ZFHX4: variants seen among roughly 807,000 people sequenced by gnomAD.
ZFHX4 encodes zinc finger homeobox protein 4.
A neutral mutation model predicts 267.6 loss-of-function variants in ZFHX4; 56 were observed. The ratio of observed to expected loss-of-function variants is 0.21; its 90% confidence interval spans 0.17 to 0.26. The LOEUF (loss-of-function observed/expected upper bound fraction) is 0.26. ZFHX4 is among the 10% of genes least tolerant of loss of function. The pLI, the probability that ZFHX4 is intolerant of heterozygous loss-of-function variation, is 1.00. For synonymous variants in ZFHX4, 1,778 were observed against 1,665.6 expected (o/e 1.07, Z -1.64); for missense variants, 4,332 against 4,420.0 (o/e 0.98, Z 0.56).
At chr8:76,721,089 G>A (rs751186467) in intron 3 of ZFHX4, among the ~76,000 whole-genome samples, 7 of 152,100 alleles carry the variant, frequency 4.6e-5, no homozygotes, top group Non-Finnish European at 8.8e-5. Context: ...TCTTTGAGGG[G>A]GACATGTATC....
chr8:76,692,046 AG>A (rs1257640507), intron 1 of ZFHX4, among the ~76,000 whole-genome samples: 5 of 152,236 alleles, frequency 3.3e-5, no homozygotes, highest in Non-Finnish European at 5.9e-5. Flanking sequence ...CTAGGTTGAC[AG>A]GTGGATGCTC....
chr8:76,784,572 T>C (rs1311879535), intron 4 of ZFHX4, among the ~76,000 whole-genome samples: 1 of 152,026 alleles, frequency 6.6e-6, no homozygotes. Context: ...TACCCATGAA[T>C]GACAGTCAAG....
At chr8:76,739,640 G>A (rs1809263337) in intron 3 of ZFHX4, among the ~76,000 whole-genome samples, 1 of 152,058 alleles carries the variant, frequency 6.6e-6, no homozygotes, top group African/African-American at 2.4e-5. Flanking sequence ...GCAAAGATGG[G>A]GGTAAGCAGG....
intron 4 of ZFHX4, among the ~76,000 whole-genome samples, chr8:76,780,365 C>CT (rs1417439031): frequency 1.3e-5 from 2 of 152,084 alleles, no homozygotes; most frequent in Non-Finnish European, 2.9e-5. Context: ...GGTTACTACC[C>CT]AGTGGTTGTA....
chr8:76,706,076 T>G lies in ZFHX4; in HGVS notation c.1988T>G (p.Met663Arg). The G allele has an allele frequency of 6.2e-7, 1 of 1,613,666 alleles. No individual in the cohort carries two copies. ...YKYQQTLEAH[M>R]KEKHPEPGGS... ...TATCAGCAGACCCTGGAGGCCCATA[T>G]GAAGGAGAAACACCCTGAGCCGGGT... The change falls in exon 2 of 11, where the codon ATG becomes AGG. Residue 663 changes from methionine (M) to arginine (R), a missense_variant. Physicochemically the swap from Met to Arg is moderately conservative, Grantham distance 91. Transcript: ENST00000651372.
chr8:76,704,051 C>G lies in ZFHX4; in HGVS notation c.-38C>G. ...CCTTATTTTTTATCCAGGTCCCTGA[C>G]AGGCTGGATGAAATGAGATCCCCAT... On this transcript the variant is annotated 5_prime_UTR_variant, in exon 2 of 11. Coordinates refer to ENST00000651372, the MANE Select transcript of ZFHX4 (RefSeq NM_024721.5). The G allele has an allele frequency of 6.5e-7, 1 of 1,547,126 alleles. No homozygotes were observed. Among genetic ancestry groups the G allele is most frequent in the Non-Finnish European group, 8.7e-7 (1 of 1,148,916 alleles).
rs376402010 is a variant in ZFHX4, at chr8:76,714,088, A to G, written c.3093+6040A>G. The stretch of plus-strand genomic sequence containing the variant: ...GTGAAGTGCAGGTATGATTTAATCA[A>G]AAGAGCTAAATTGCTCATTTATCAC... On this transcript the variant is annotated intron_variant, in intron 3 of 10. Coordinates refer to ENST00000651372, the MANE Select transcript of ZFHX4 (RefSeq NM_024721.5). Among the ~76,000 whole-genome samples, 371 of 152,314 alleles carry G rather than the reference A, an allele frequency of 2.4e-3. 3 individuals are homozygous for G. Among genetic ancestry groups the G allele is most frequent in the African/African-American group, 8.4e-3 (349 of 41,560 alleles).
At chr8:76,706,705 G>A (rs79010789) in intron 2 of ZFHX4, 27 bp downstream of exon 2, 43,544 of 1,508,970 alleles carry the variant, frequency 0.029, 762 homozygotes, top group Middle Eastern at 0.047. Context: ...TTTCTGCACT[G>A]TTGTTAGTTT....
intron 3 of ZFHX4, among the ~76,000 whole-genome samples, chr8:76,757,852 G>A (rs759076480): frequency 1.3e-5 from 2 of 152,150 alleles, no homozygotes; most frequent in Non-Finnish European, 2.9e-5. Flanking sequence ...GTCTTAGTGC[G>A]TAGCAAGAGG....
intron 3 of ZFHX4, among the ~76,000 whole-genome samples, chr8:76,727,306 ACT>A (rs1808879452): frequency 1.3e-5 from 2 of 152,138 alleles, no homozygotes; most frequent in South Asian, 4.2e-4. Context: ...CGTTTTCAAC[ACT>A]CATAATATTT....
At chr8:76,859,630 T>C in intron 10 of ZFHX4, among the ~76,000 whole-genome samples, 1 of 152,170 alleles carries the variant, frequency 6.6e-6, no homozygotes, top group Non-Finnish European at 1.5e-5. Context: ...CTGCCTAAGC[T>C]GATTTCCTTA....
chr8:76,716,545 C>T (rs886209146), intron 3 of ZFHX4, among the ~76,000 whole-genome samples: 3 of 152,046 alleles, frequency 2.0e-5, no homozygotes, highest in African/African-American at 7.2e-5. Flanking sequence ...ATGCCCCTAG[C>T]CCACATTAAT....
Position 76,850,904 on chromosome 8 carries a change from A to T in ZFHX4, c.3983A>T (p.Asp1328Val). 1.2e-6 allele frequency: 2 copies of T among 1,607,234 alleles called. No homozygotes were observed. Among genetic ancestry groups the T allele is most frequent in the Non-Finnish European group, 1.7e-6 (2 of 1,176,950 alleles). Residue 1328 changes from aspartate to valine, a missense_variant, in exon 10 of 11, where the codon GAC becomes GTC. Asp to Val is a radical substitution (Grantham distance 152, BLOSUM62 -3). Around this residue, in one of 7 missense-constraint regions of ZFHX4, gnomAD observed 1,371 missense variants for 1,423.1 expected, o/e 0.96. Transcript: ENST00000651372. The part of the protein sequence containing the change: ...GKYSGESPMD[D>V]KSMAGLEDSK... ...CTAATAGGTGAAAGTCCAATGGATG[A>T]CAAAAGCATGGCAGGTCTCGAGGAT...
intron 3 of ZFHX4, among the ~76,000 whole-genome samples, chr8:76,723,137 G>A (rs1808767929): frequency 6.6e-6 from 1 of 152,050 alleles, no homozygotes; most frequent in Non-Finnish European, 1.5e-5. Flanking sequence ...CAGTTTTCAA[G>A]TCAGCCAAGT....
intron 3 of ZFHX4, among the ~76,000 whole-genome samples, chr8:76,742,363 C>T (rs544346376): frequency 6.6e-6 from 1 of 152,100 alleles, no homozygotes; most frequent in Non-Finnish European, 1.5e-5. Flanking sequence ...GATCTTGCTT[C>T]TTTTATCAGC....
At chr8:76,756,541 T>C (rs1809767969) in intron 3 of ZFHX4, among the ~76,000 whole-genome samples, 1 of 152,154 alleles carries the variant, frequency 6.6e-6, no homozygotes, top group South Asian at 2.1e-4. Flanking sequence ...TATAATATAT[T>C]TTGTCTAATT....
Position 76,704,064 on chromosome 8 carries a change from A to G in ZFHX4, c.-25A>G. ...CCAGGTCCCTGACAGGCTGGATGAA[A>G]TGAGATCCCCATGTAGCAATTGCCA... On this transcript the variant is annotated 5_prime_UTR_variant, in exon 2 of 11. It removes an upstream start codon present in the reference 5' UTR. Coordinates refer to ENST00000651372, the MANE Select transcript of ZFHX4 (RefSeq NM_024721.5). 6.4e-7 allele frequency: 1 copy of G among 1,570,810 alleles called. No homozygotes were observed. Among genetic ancestry groups the G allele is most frequent in the Non-Finnish European group, 8.6e-7 (1 of 1,160,790 alleles).
chr8:76,796,890 A>G (rs1306711737), intron 4 of ZFHX4, among the ~76,000 whole-genome samples: 1 of 152,012 alleles, frequency 6.6e-6, no homozygotes, highest in Non-Finnish European at 1.5e-5. Flanking sequence ...TTTTCATACA[A>G]CTCCCTGCAC....
chr8:76,831,747 C>A lies in ZFHX4; in HGVS notation c.3326-1591C>A, dbSNP rs116622936. Among the ~76,000 whole-genome samples, 1,067 of 152,122 alleles carry A rather than the reference C, an allele frequency of 7.0e-3. 14 individuals carry two copies. The highest frequency in any genetic ancestry group is 0.025 in the African/African-American group (1,033 of 41,502). ...TCATGGGTGCACAGAGGAGGTTTCA[C>A]GTGCTTTTGGTTCTGAGGGAAGAAT... On this transcript the variant is annotated intron_variant, in intron 4 of 10. Transcript: ENST00000651372.
Sources: allele counts gnomAD v4.1 joint callset (sites outside exome capture counted in the v4.1 genomes callset), GRCh38; gene constraint gnomAD v4.1.1; regional missense constraint gnomAD v4.1.1; transcripts MANE v1.5; gene names NCBI Gene and HGNC (gene_info 2026-07-23, HGNC 2026-07-21).